Variants in PTGER3 observed in about 807,000 individuals in gnomAD.
PTGER3 encodes the protein prostaglandin E receptor 3.
Under a neutral mutation model 34.7 loss-of-function variants are expected in PTGER3, and 22 were observed. The ratio of observed to expected loss-of-function variants is 0.63; its 90% CI spans 0.45 to 0.91. PTGER3 has a LOEUF of 0.91. Among genes scored for constraint, PTGER3 ranks in the 40% least tolerant of loss-of-function variants. The pLI, the probability that PTGER3 is intolerant of heterozygous loss-of-function variation, is 0.00. For synonymous variants in PTGER3, 241 were observed against 230.1 expected, an observed-to-expected ratio of 1.05 and a Z score of -0.43; for missense variants, 468 against 519.4, an observed-to-expected ratio of 0.90 and a Z score of 0.96.
At chr1:70,981,075 T>C (rs1381027866) in intron 2 of PTGER3, among the ~76,000 whole-genome samples, 1 of 152,018 alleles carries the variant, frequency 6.6e-6, no homozygotes, top group Non-Finnish European at 1.5e-5. Context: ...AGAGAAAGAA[T>C]AGGCAACTGT....
intron 2 of PTGER3, among the ~76,000 whole-genome samples, chr1:70,964,581 C>G (rs554908117): frequency 6.6e-6 from 1 of 152,242 alleles, no homozygotes; most frequent in Admixed American, 6.5e-5. Context: ...TGAGAACAGA[C>G]AGGAAAGACC....
intron 2 of PTGER3, among the ~76,000 whole-genome samples, chr1:70,975,743 A>G (rs568892401): frequency 4.3e-4 from 65 of 152,334 alleles, no homozygotes; most frequent in Non-Finnish European, 8.7e-4. Flanking sequence ...AGCAAACAGA[A>G]AAAGTTTAGT....
At chr1:70,856,081 A>G (rs1168753421) in intron 4 of PTGER3, among the ~76,000 whole-genome samples, 1 of 152,094 alleles carries the variant, frequency 6.6e-6, no homozygotes. Context: ...AGAGACTCTT[A>G]TGCTAGTTTT....
chr1:70,980,281 G>T (rs145319669), intron 2 of PTGER3, among the ~76,000 whole-genome samples: 3 of 152,108 alleles, frequency 2.0e-5, no homozygotes, highest in Admixed American at 1.3e-4. Flanking sequence ...ATAGTTTGGG[G>T]GGATTGATAG....
chr1:70,880,749 T>C (rs957583615), intron 4 of PTGER3, among the ~76,000 whole-genome samples: 2 of 152,066 alleles, frequency 1.3e-5, no homozygotes, highest in Non-Finnish European at 2.9e-5. Flanking sequence ...TCTTCTGGCT[T>C]GTAGAGTTTC....
At chr1:71,042,571 G>A (rs1660409930) in intron 1 of PTGER3, among the ~76,000 whole-genome samples, 2 of 152,142 alleles carry the variant, frequency 1.3e-5, no homozygotes, top group Admixed American at 1.3e-4. Flanking sequence ...TTCCTACAAT[G>A]TGGATTCATA....
chr1:70,882,801 T>C (rs1192288553), intron 4 of PTGER3, among the ~76,000 whole-genome samples: 1 of 152,154 alleles, frequency 6.6e-6, no homozygotes, highest in African/African-American at 2.4e-5. Context: ...GGTTTCACAC[T>C]AAGCCAAGAT....
chr1:71,041,620 G>A (rs72940493), intron 1 of PTGER3, among the ~76,000 whole-genome samples: 375 of 152,302 alleles, frequency 2.5e-3, no homozygotes, highest in African/African-American at 8.7e-3. Context: ...GGGAAAAGGA[G>A]GACTAGAGAG....
At chr1:70,873,506 C>T (rs974930559) in intron 4 of PTGER3, among the ~76,000 whole-genome samples, 2 of 152,110 alleles carry the variant, frequency 1.3e-5, no homozygotes, top group Non-Finnish European at 2.9e-5. Flanking sequence ...CTCTGACATT[C>T]TTACAACGTA....
In PTGER3 at chr1:71,036,712, T is replaced by G. The variant is rs150955025; in HGVS notation, c.897+9969A>C. On this transcript the variant is annotated intron_variant, in intron 1 of 3. Transcript: ENST00000306666. ...AAACTAGCCGGGTGTGGTGGTGGGC[T>G]CCTGTAGTCCCAGCTATTGGGGAGG... Among the ~76,000 whole-genome samples the G allele has an allele frequency of 6.5e-3, 988 of 151,336 alleles. 16 individuals carry two copies. Among genetic ancestry groups the G allele is most frequent in the African/African-American group, 0.022 (914 of 41,230 alleles).
chr1:70,907,792 G>T (rs570926450), intron 4 of PTGER3, among the ~76,000 whole-genome samples: 10 of 152,280 alleles, frequency 6.6e-5, no homozygotes, highest in African/African-American at 2.4e-4. Context: ...GCTGTCAGGG[G>T]ATTAAAAACC....
chr1:70,887,120 G>A (rs755029268), intron 4 of PTGER3, among the ~76,000 whole-genome samples: 5 of 152,144 alleles, frequency 3.3e-5, no homozygotes, highest in Non-Finnish European at 7.4e-5. Context: ...GGGGTTACGA[G>A]CCCCTCAAAG....
rs138877437 is a variant in PTGER3, at chr1:70,977,831, G to A, written c.1078-3443C>T. Among the ~76,000 whole-genome samples the A allele has an allele frequency of 6.6e-4, 100 of 152,078 alleles. 3 individuals are homozygous for A. The East Asian group carries it at 0.017, about 25-fold the overall frequency. On this transcript the variant is annotated intron_variant, in intron 2 of 3. Transcript: ENST00000306666. ...TCTACTCCTTCCTCCAAGTGCAGTC[G>A]AATGTTTTGCCTCCCTTTAACACCA...
intron 2 of PTGER3, among the ~76,000 whole-genome samples, chr1:70,987,143 A>T (rs1655002956): frequency 6.6e-6 from 1 of 152,178 alleles, no homozygotes; most frequent in South Asian, 2.1e-4. Context: ...AAATATGGTT[A>T]TGGTTCTCCC....
At chr1:70,887,511 C>A (rs113518364) in intron 4 of PTGER3, among the ~76,000 whole-genome samples, 4 of 152,114 alleles carry the variant, frequency 2.6e-5, no homozygotes, top group African/African-American at 9.7e-5. Flanking sequence ...GTTTCTAAAT[C>A]TATAGTTTTT....
At chr1:71,030,547 T>A (rs1041741176) in intron 1 of PTGER3, among the ~76,000 whole-genome samples, 2 of 152,220 alleles carry the variant, frequency 1.3e-5, no homozygotes, top group African/African-American at 4.8e-5. Flanking sequence ...CTAGTAAAAC[T>A]TTATCACTGG....
chr1:70,878,385 A>G (rs927913524), intron 4 of PTGER3, among the ~76,000 whole-genome samples: 5 of 151,772 alleles, frequency 3.3e-5, no homozygotes, highest in Admixed American at 6.6e-5. Flanking sequence ...AGTCTAGCTC[A>G]TGGTCTGTCT....
At chr1:70,982,373 C>G (rs981697819) in intron 2 of PTGER3, among the ~76,000 whole-genome samples, 1 of 152,092 alleles carries the variant, frequency 6.6e-6, no homozygotes, top group African/African-American at 2.4e-5. Flanking sequence ...GAAGAAATTC[C>G]TGATGTCTGA....
At chr1:70,992,588 T>C (rs778722143) in intron 2 of PTGER3, among the ~76,000 whole-genome samples, 1 of 152,190 alleles carries the variant, frequency 6.6e-6, no homozygotes, top group African/African-American at 2.4e-5. Flanking sequence ...ATGTAACCAA[T>C]TGTGTAGACA....
Sources: gnomAD v4.1 joint callset for allele counts (sites outside exome capture counted in the v4.1 genomes callset) on GRCh38, gnomAD v4.1.1 for gene constraint, MANE v1.5 for transcripts, NCBI Gene and HGNC (gene_info 2026-07-23, HGNC 2026-07-21) for gene names.